Variants in ZNF407 observed in about 807,000 individuals in gnomAD.
ZNF407 encodes zinc finger protein 407.
A neutral mutation model predicts 131.2 loss-of-function variants in ZNF407; 17 were observed. The observed-to-expected ratio is 0.13, with a 90% CI of 0.09 to 0.19. ZNF407 has a LOEUF of 0.19. Among genes scored for constraint, ZNF407 ranks in the 10% least tolerant of loss-of-function variants. ZNF407 has a pLI of 1.00. For synonymous variants in ZNF407, 1,156 were observed against 1,062.0 expected, an observed-to-expected ratio of 1.09 and a Z score of -1.72; for missense variants, 2,681 against 2,830.6, an observed-to-expected ratio of 0.95 and a Z score of 1.20.
intron 8 of ZNF407, among the ~76,000 whole-genome samples, chr18:74,951,590 T>C (rs1420409714): frequency 3.9e-5 from 6 of 152,220 alleles, no homozygotes; most frequent in African/African-American, 1.4e-4. Flanking sequence ...CTAGATTGCT[T>C]AACTACCAGA....
chr18:74,841,637 C>A (rs1970635145), intron 4 of ZNF407, among the ~76,000 whole-genome samples: 1 of 152,202 alleles, frequency 6.6e-6, no homozygotes, highest in Non-Finnish European at 1.5e-5. Context: ...AAGGTTGTTG[C>A]TAATGATGTT....
At position 74,974,479 on chromosome 18, in the gene ZNF407, A is replaced by G. The variant is rs982658594; in HGVS notation, c.5428+53787A>G. On this transcript the variant is annotated intron_variant, in intron 8 of 8. Coordinates refer to ENST00000299687, the MANE Select transcript of ZNF407 (RefSeq NM_017757.3). ...AATGACATCTCACTTTTTCCCCCCAAGTATCAAATTACGCTCGGCAACTTT... is the reference window on the plus strand; with the variant it reads ...AATGACATCTCACTTTTTCCCCCCAGGTATCAAATTACGCTCGGCAACTTT... Among the ~76,000 whole-genome samples the G allele has an allele frequency of 3.9e-5, 6 of 152,300 alleles. No homozygotes were observed. In the East Asian group the frequency reaches 1.2e-3, roughly 29 times the overall value.
intron 7 of ZNF407, among the ~76,000 whole-genome samples, chr18:74,904,978 C>G (rs1971576221): frequency 1.3e-5 from 2 of 152,210 alleles, no homozygotes; most frequent in African/African-American, 4.8e-5. Flanking sequence ...GCAGACGCAG[C>G]AGTCCTCTAA....
chr18:75,044,126 A>G (rs1400713516), intron 8 of ZNF407, among the ~76,000 whole-genome samples: 1 of 152,066 alleles, frequency 6.6e-6, no homozygotes. Flanking sequence ...AGAGCAGTTG[A>G]CCTCTTCCGA....
intron 3 of ZNF407, among the ~76,000 whole-genome samples, chr18:74,646,027 C>T (rs1199760003): frequency 6.6e-6 from 1 of 152,136 alleles, no homozygotes; most frequent in Non-Finnish European, 1.5e-5. Flanking sequence ...AAGCAAGGAA[C>T]ACTTGAGAGC....
intron 7 of ZNF407, among the ~76,000 whole-genome samples, chr18:74,904,350 A>T (rs1208412129): frequency 1.3e-5 from 2 of 152,164 alleles, no homozygotes; most frequent in African/African-American, 4.8e-5. Context: ...GTATATGATG[A>T]TATGAAACAG....
intron 8 of ZNF407, among the ~76,000 whole-genome samples, chr18:75,003,565 G>GA (rs1427772053): frequency 6.6e-6 from 1 of 152,086 alleles, no homozygotes; most frequent in African/African-American, 2.4e-5. Context: ...TAAAAAAGTA[G>GA]ACTTCTTTCT....
chr18:75,064,308 C>T lies in ZNF407; in HGVS notation c.6587C>T (p.Ser2196Leu), dbSNP rs779710383. The change falls in exon 9 of 9, where the codon TCG becomes TTG. Residue 2196 changes from serine to leucine, a missense_variant. Physicochemically the swap from Ser to Leu is moderately radical, Grantham distance 145. This residue lies in a region of ZNF407 where 620 missense variants were observed against 583.1 expected (regional missense o/e 1.06). Coordinates refer to ENST00000299687, the MANE Select transcript of ZNF407 (RefSeq NM_017757.3). Reference sequence around the variant, plus strand: ...CACACCGTGCTGGAGACTGCGGACTCGCAGGAACTCCTGCAGGCCGGGGCC... The same window carrying T: ...CACACCGTGCTGGAGACTGCGGACTTGCAGGAACTCCTGCAGGCCGGGGCC... ...YSHTVLETAD[S>L]QELLQAGATL... The T allele has an allele frequency of 3.7e-6, 6 of 1,601,484 alleles. No individual in the cohort carries two copies. The Admixed American group carries it at 6.8e-5, about 18-fold the overall frequency.
chr18:74,639,176 C>T (rs1984596649), intron 2 of ZNF407, among the ~76,000 whole-genome samples: 2 of 152,144 alleles, frequency 1.3e-5, no homozygotes, highest in East Asian at 3.9e-4. Flanking sequence ...CCAGAGACCC[C>T]ACGTCCCTTT....
At chr18:74,741,808 T>G (rs489225) in intron 3 of ZNF407, among the ~76,000 whole-genome samples, 11,132 of 152,164 alleles carry the variant, frequency 0.073, 1,372 homozygotes, top group African/African-American at 0.25. Flanking sequence ...AATTGCTATT[T>G]AAGAGCCTGC....
chr18:74,821,497 A>G lies in ZNF407; in HGVS notation c.4877+39995A>G, dbSNP rs750764534. ...CATGCGTTCTCATTGTTCAACTCCC[A>G]CTTATGAGTGAGAACATGTGCTGTT... On this transcript the variant is annotated intron_variant, in intron 4 of 8. Transcript: ENST00000299687. Among the ~76,000 whole-genome samples, 33 of 148,942 alleles carry G rather than the reference A, an allele frequency of 2.2e-4. No homozygotes were observed. The South Asian group carries it at 3.0e-3, about 14-fold the overall frequency.
chr18:74,788,378 C>G (rs1455111341), intron 4 of ZNF407, among the ~76,000 whole-genome samples: 1 of 152,022 alleles, frequency 6.6e-6, no homozygotes, highest in Non-Finnish European at 1.5e-5. Flanking sequence ...TTTAATTGTG[C>G]TTGCTCTGTT....
chr18:74,691,526 CTT>C (rs1360356200), intron 3 of ZNF407, among the ~76,000 whole-genome samples: 1 of 151,370 alleles, frequency 6.6e-6, no homozygotes, highest in Non-Finnish European at 1.5e-5. Context: ...TGAGTCTTCT[CTT>C]TTTGTTCATT....
intron 8 of ZNF407, among the ~76,000 whole-genome samples, chr18:75,004,567 T>C (rs561253554): frequency 1.1e-4 from 17 of 152,264 alleles, no homozygotes; most frequent in African/African-American, 3.6e-4. Context: ...CAAGCGAGTC[T>C]CTTGCTCGAG....
In ZNF407 at chr18:75,063,162, A is replaced by G; in HGVS notation, c.5441A>G (p.Lys1814Arg). 1.3e-6 allele frequency: 2 copies of G among 1,579,022 alleles called. No individual in the cohort carries two copies. The highest frequency in any genetic ancestry group is 8.6e-7 in the Non-Finnish European group (1 of 1,162,026). The change falls in exon 9 of 9, where the codon AAG becomes AGG. Residue 1814 changes from lysine (K) to arginine (R), a missense_variant. Lys to Arg is a conservative substitution (Grantham distance 26, BLOSUM62 2). Around this residue, in one of 6 missense-constraint regions of ZNF407, gnomAD observed 39 missense variants for 91.8 expected, o/e 0.42. Coordinates refer to ENST00000299687, the MANE Select transcript of ZNF407 (RefSeq NM_017757.3). This position sits in a 1 kb window ranked among gnomAD's most constrained non-coding sequence, Gnocchi z 6.6. ...LAYLHAGIVS[K>R]SYECRLKGQG... ...CTGTCTCCCTTAGGCATTGTTTCCA[A>G]GTCGTACGAGTGCCGTCTAAAGGGA... is the stretch of plus-strand genomic sequence containing the variant.
rs182720752 is a variant in ZNF407 at position 74,962,712 on chromosome 18, G to A, written c.5428+42020G>A. ...TCTCCTGGTGCTGGGAAGCTGAGCC[G>A]CTCTGATTCCAAGAGTCAATTCTGA... On this transcript the variant is annotated intron_variant, in intron 8 of 8. Coordinates refer to ENST00000299687, the MANE Select transcript of ZNF407 (RefSeq NM_017757.3). 2.2e-4 allele frequency among the ~76,000 whole-genome samples: 33 copies of A among 152,324 alleles called. No individual in the cohort carries two copies. In the East Asian group the frequency reaches 3.1e-3, roughly 14 times the overall value.
chr18:74,598,120 C>T (rs1021966436), intron 1 of ZNF407, 183 bp downstream of exon 1: 3 of 150,922 alleles, frequency 2.0e-5, no homozygotes, highest in Admixed American at 6.6e-5. Context: ...TGTCGCCTTC[C>T]TTCCCGACAC....
At chr18:74,835,627 GGGGTGTGTGT>G (rs1383439944) in intron 4 of ZNF407, among the ~76,000 whole-genome samples, 142 of 117,504 alleles carry the variant, frequency 1.2e-3, no homozygotes, top group South Asian at 3.6e-3. Context: ...TGGACAGAGG[GGGGTGTGTGT>G]GTGTGTGTGT....
chr18:74,846,109 A>G (rs1414492607), intron 4 of ZNF407, among the ~76,000 whole-genome samples: 1 of 152,200 alleles, frequency 6.6e-6, no homozygotes, highest in African/African-American at 2.4e-5. Context: ...TTTTTGAGAG[A>G]TGCTAGTGAA....
Sources: gnomAD v4.1 joint callset for allele counts (sites outside exome capture counted in the v4.1 genomes callset) on GRCh38, gnomAD v4.1.1 for gene constraint, gnomAD v4.1.1 regional missense constraint, Gnocchi (gnomAD v3.1) non-coding constraint, MANE v1.5 for transcripts, NCBI Gene and HGNC (gene_info 2026-07-23, HGNC 2026-07-21) for gene names.